Variants in PIP4K2C observed in about 807,000 individuals in gnomAD.
The protein encoded by PIP4K2C is phosphatidylinositol-5-phosphate 4-kinase type 2 gamma, also known as phosphatidylinositol 5-phosphate 4-kinase type-2 gamma.
Under a neutral mutation model 45.0 loss-of-function variants are expected in PIP4K2C, and 21 were observed. The observed-to-expected ratio is 0.47, with a 90% CI of 0.33 to 0.67. The LOEUF is 0.67. Ranked by LOEUF, PIP4K2C falls within the 30% of genes least tolerant of loss-of-function variation. The pLI, the probability that PIP4K2C is intolerant of heterozygous loss-of-function variation, is 0.02. For missense variants in PIP4K2C, 456 were observed against 542.8 expected, an observed-to-expected ratio of 0.84 and a Z score of 1.59; for synonymous variants, 201 against 204.8, an observed-to-expected ratio of 0.98 and a Z score of 0.16.
intron 2 of PIP4K2C, 71 bp downstream of exon 2, chr12:57,594,193 C>T (rs1265265870): frequency 8.7e-6 from 11 of 1,261,504 alleles, no homozygotes; most frequent in Middle Eastern, 3.9e-4. Context: ...TTAAAAGTTT[C>T]AGTGAGTTGA....
chr12:57,595,950 C>T lies in PIP4K2C; in HGVS notation c.432C>T (p.Ser144=). The change falls in exon 4 of 10, where the codon TCC becomes TCT. Residue 144 remains serine (S), a synonymous_variant. Transcript: ENST00000354947. ...SEGSDGRFLI[S]YDRTLVIKEV... The stretch of plus-strand genomic sequence containing the variant: ...GCAGTGATGGTCGCTTCCTTATCTC[C>T]TACGATCGGACTCTGGTCATCAAAG... The T allele has an allele frequency of 6.2e-7, 1 of 1,614,008 alleles. No homozygotes were observed. Among genetic ancestry groups the T allele is most frequent in the Non-Finnish European group, 8.5e-7 (1 of 1,179,908 alleles).
chr12:57,601,458 A>G, intron 9 of PIP4K2C, 68 bp from the exon 10 acceptor site: 1 of 1,531,874 alleles, frequency 6.5e-7, no homozygotes, highest in Non-Finnish European at 9.0e-7. Context: ...TCTGGGGTAG[A>G]TTGGGTGGGG....
Position 57,601,928 on chromosome 12 carries a change from G to C in PIP4K2C, c.*322G>C, listed in dbSNP as rs550823129. The C allele has an allele frequency of 2.7e-5, 9 of 329,910 alleles. No homozygotes were observed. Among genetic ancestry groups the C allele is most frequent in the Non-Finnish European group, 5.1e-5 (9 of 175,168 alleles). The allele number at this position is 329,910 out of a possible 1,614,324, so 20.4% of individuals were successfully genotyped here. On this transcript the variant is annotated 3_prime_UTR_variant, in exon 10 of 10. Transcript: ENST00000354947. ...CTCCTGTTGTTTCTATGATATAGGA[G>C]CTAGGGGAAGGGGGTTGTTTGCCTT...
At chr12:57,595,492 G>T (rs575552632) in intron 3 of PIP4K2C, among the ~76,000 whole-genome samples, 1 of 152,282 alleles carries the variant, frequency 6.6e-6, no homozygotes, top group South Asian at 2.1e-4. Context: ...ATCACCTGAG[G>T]TCAGGAGTTC....
rs376011624 is a variant in PIP4K2C at position 57,598,382 on chromosome 12, G to A, written c.514-683G>A. Among the ~76,000 whole-genome samples, 32 of 152,162 alleles carry A rather than the reference G, an allele frequency of 2.1e-4. No individual in the cohort carries two copies. In the East Asian group the frequency reaches 5.2e-3, roughly 25 times the overall value. On this transcript the variant is annotated intron_variant, in intron 4 of 9. Coordinates refer to ENST00000354947, the MANE Select transcript of PIP4K2C (RefSeq NM_024779.5). ...CTAAAATACAAAAAATTAGCTGAGCGTGGTGGTGTGCGCCTGTACTCCCAG... is the reference window on the plus strand; with the variant it reads ...CTAAAATACAAAAAATTAGCTGAGCATGGTGGTGTGCGCCTGTACTCCCAG...
At chr12:57,598,635 C>T (rs1385531025) in intron 4 of PIP4K2C, among the ~76,000 whole-genome samples, 1 of 151,374 alleles carries the variant, frequency 6.6e-6, no homozygotes, top group Non-Finnish European at 1.5e-5. Flanking sequence ...CACAGCACAG[C>T]CCAACCCAAT....
At chr12:57,593,949 G>C (rs1883081242) in intron 1 of PIP4K2C, 76 bp from the exon 2 acceptor site, 2 of 1,078,432 alleles carry the variant, frequency 1.9e-6, no homozygotes, top group Non-Finnish European at 2.8e-6. Flanking sequence ...TTGCATGACT[G>C]CTGCCCAGAC....
chr12:57,591,497 C>G, intron 1 of PIP4K2C, 34 bp downstream of exon 1: 1 of 1,555,362 alleles, frequency 6.4e-7, no homozygotes, highest in Non-Finnish European at 8.7e-7. Context: ...GCAGCCCTGT[C>G]CAAACCCCTC....
chr12:57,596,125 C>G (rs1883185097), intron 4 of PIP4K2C, 94 bp downstream of exon 4: 1 of 1,411,062 alleles, frequency 7.1e-7, no homozygotes, highest in South Asian at 1.2e-5. Flanking sequence ...GGGGAGAAAA[C>G]TCATTGGAAG....
At chr12:57,593,985 C>T in intron 1 of PIP4K2C, 40 bp from the exon 2 acceptor site, 2 of 1,528,826 alleles carry the variant, frequency 1.3e-6, no homozygotes, top group Non-Finnish European at 1.8e-6. Context: ...CTCTCCACAC[C>T]CTTCTTCATG....
chr12:57,599,034 C>T (rs769587463), intron 4 of PIP4K2C, 31 bp from the exon 5 acceptor site: 1 of 1,609,314 alleles, frequency 6.2e-7, no homozygotes, highest in Admixed American at 1.7e-5. Context: ...TACTCAGCCT[C>T]TCCCCATTCC....
intron 4 of PIP4K2C, among the ~76,000 whole-genome samples, chr12:57,597,303 G>A (rs1358955066): frequency 1.3e-5 from 2 of 152,212 alleles, no homozygotes; most frequent in African/African-American, 4.8e-5. Context: ...GGGAGCGATG[G>A]TGGTGGGGAT....
At position 57,602,846 on chromosome 12, in the gene PIP4K2C, C is replaced by G. The variant is rs1160357414; in HGVS notation, c.*1240C>G. 6.6e-6 allele frequency: 1 copy of G among 152,620 alleles called. No homozygotes were observed. The highest frequency in any genetic ancestry group is 2.1e-4 in the South Asian group (1 of 4,826). The allele number at this position is 152,620 out of a possible 1,614,324, so 9.5% of individuals were successfully genotyped here. The stretch of plus-strand genomic sequence containing the variant: ...AAAGATAGTTGATGTGTGATAATCT[C>G]ATAATGTTGAGAACCCTGATGAGAT... On this transcript the variant is annotated 3_prime_UTR_variant, in exon 10 of 10. Transcript: ENST00000354947.
At chr12:57,591,951 G>A (rs1882981364) in intron 1 of PIP4K2C, among the ~76,000 whole-genome samples, 1 of 152,124 alleles carries the variant, frequency 6.6e-6, no homozygotes, top group Non-Finnish European at 1.5e-5. Context: ...TTTGTCTCGG[G>A]GAAGCTCCAG....
chr12:57,592,066 G>A (rs1036823983), intron 1 of PIP4K2C, among the ~76,000 whole-genome samples: 1 of 152,108 alleles, frequency 6.6e-6, no homozygotes, highest in African/African-American at 2.4e-5. Context: ...ACACTCTCAG[G>A]ACTTATGTAT....
intron 4 of PIP4K2C, among the ~76,000 whole-genome samples, chr12:57,597,765 AC>A (rs1228577506): frequency 3.9e-5 from 6 of 152,220 alleles, no homozygotes; most frequent in South Asian, 2.1e-4. Context: ...GGATTCGACG[AC>A]AGAGAGGAGG....
intron 8 of PIP4K2C, 29 bp from the exon 9 acceptor site, chr12:57,601,216 C>T (rs781643820): frequency 4.4e-6 from 7 of 1,600,510 alleles, no homozygotes; most frequent in East Asian, 2.2e-5. Flanking sequence ...GGAACTAAAC[C>T]TACTCTGAAT....
intron 6 of PIP4K2C, among the ~76,000 whole-genome samples, chr12:57,599,732 G>C (rs1004377473): frequency 5.3e-5 from 8 of 152,134 alleles, no homozygotes; most frequent in African/African-American, 1.9e-4. Context: ...TTCCCATTCT[G>C]GGTTATTTTA....
At chr12:57,591,726 C>T (rs930101049) in intron 1 of PIP4K2C, among the ~76,000 whole-genome samples, 1 of 152,242 alleles carries the variant, frequency 6.6e-6, no homozygotes, top group African/African-American at 2.4e-5. Context: ...TGACTCCTTC[C>T]TGCCATGTCT....
Sources: allele counts gnomAD v4.1 joint callset (sites outside exome capture counted in the v4.1 genomes callset), GRCh38; gene constraint gnomAD v4.1.1; transcripts MANE v1.5; gene names NCBI Gene and HGNC (gene_info 2026-07-23, HGNC 2026-07-21).